Variants in IL1RAPL2 observed in about 807,000 individuals in gnomAD.
The protein encoded by IL1RAPL2 is interleukin 1 receptor accessory protein like 2, also known as X-linked interleukin-1 receptor accessory protein-like 2.
In IL1RAPL2, 3 loss-of-function variants were observed where a neutral mutation model predicts 44.1. The observed-to-expected ratio is 0.07, with a 90% CI of 0.03 to 0.18. IL1RAPL2 has a LOEUF of 0.18. IL1RAPL2 is among the 10% of genes least tolerant of loss of function. IL1RAPL2 has a pLI of 1.00. For missense variants in IL1RAPL2, 391 were observed against 496.4 expected, an observed-to-expected ratio of 0.79 and a Z score of 2.02; for synonymous variants, 181 against 178.8, an observed-to-expected ratio of 1.01 and a Z score of -0.10.
rs898519201 is a variant in IL1RAPL2, at chrX:105,143,701, C to G, written c.83-51774C>G. Among the ~76,000 whole-genome samples, 90 of 111,954 alleles carry G rather than the reference C, an allele frequency of 8.0e-4. 1 individual carries two copies. Among genetic ancestry groups the G allele is most frequent in the African/African-American group, 2.7e-3 (84 of 30,740 alleles). On this transcript the variant is annotated intron_variant, in intron 2 of 10. Transcript: ENST00000372582. ...TGTGACTTTTGAAAGATGCTTCCAG[C>G]ATATGGGCCTTCTCTATTTTCTCAC...
At chrX:105,323,897 G>GACAC (rs756657204) in intron 5 of IL1RAPL2, among the ~76,000 whole-genome samples, 2 of 95,419 alleles carry the variant, frequency 2.1e-5, no homozygotes, top group African/African-American at 5.1e-5. Context: ...CACACACACA[G>GACAC]ACACACACAC....
chrX:105,714,147 T>C (rs1434400762), intron 6 of IL1RAPL2, among the ~76,000 whole-genome samples: 1 of 111,634 alleles, frequency 9.0e-6, no homozygotes, highest in Non-Finnish European at 1.9e-5. Context: ...GTACCTTGTT[T>C]CTCATTTCTT....
At chrX:104,903,351 A>G (rs1923872437) in intron 2 of IL1RAPL2, among the ~76,000 whole-genome samples, 1 of 111,786 alleles carries the variant, frequency 8.9e-6, no homozygotes, top group Non-Finnish European at 1.9e-5. Flanking sequence ...CAGATGAGAA[A>G]TTATTTTAAA....
chrX:104,585,345 ATATATATTATATATATTATATATAT>A (rs1928524870), intron 1 of IL1RAPL2, among the ~76,000 whole-genome samples: 2 of 11,986 alleles, frequency 1.7e-4, no homozygotes, highest in African/African-American at 9.1e-4. Flanking sequence ...ATTATATATT[ATATATATTATATATATTATATATAT>A]TATATATAAT....
intron 6 of IL1RAPL2, among the ~76,000 whole-genome samples, chrX:105,663,232 A>G (rs1337597007): frequency 8.9e-6 from 1 of 112,148 alleles, no homozygotes; most frequent in Non-Finnish European, 1.9e-5. Context: ...TATGTAATGA[A>G]TGCACAAAAT....
chrX:105,147,813 A>T (rs886852621), intron 2 of IL1RAPL2, among the ~76,000 whole-genome samples: 1 of 111,654 alleles, frequency 9.0e-6, no homozygotes, highest in African/African-American at 3.3e-5. Flanking sequence ...TTCATGTACA[A>T]GTTTTTATAT....
intron 2 of IL1RAPL2, among the ~76,000 whole-genome samples, chrX:104,816,311 G>C (rs1459977706): frequency 8.9e-6 from 1 of 111,774 alleles, no homozygotes; most frequent in Non-Finnish European, 1.9e-5. Context: ...ACCCCAAAGT[G>C]ACTAGATATA....
At chrX:105,010,101 A>C (rs1398872492) in intron 2 of IL1RAPL2, among the ~76,000 whole-genome samples, 1 of 111,237 alleles carries the variant, frequency 9.0e-6, no homozygotes, top group Non-Finnish European at 1.9e-5. Flanking sequence ...TTTTTAGTCA[A>C]ACCATTTTAA....
intron 2 of IL1RAPL2, among the ~76,000 whole-genome samples, chrX:105,144,645 G>T (rs747569639): frequency 1.8e-5 from 2 of 110,802 alleles, no homozygotes; most frequent in African/African-American, 6.6e-5. Flanking sequence ...CAAGTGATTT[G>T]ATGCCTCTGT....
chrX:105,477,391 G>C (rs2036204767), intron 5 of IL1RAPL2, among the ~76,000 whole-genome samples: 2 of 111,310 alleles, frequency 1.8e-5, no homozygotes, highest in African/African-American at 6.5e-5. Context: ...TCATAATACA[G>C]GATTAGGAAG....
chrX:104,779,580 T>C (rs1932759473), intron 2 of IL1RAPL2, among the ~76,000 whole-genome samples: 1 of 112,052 alleles, frequency 8.9e-6, no homozygotes, highest in Non-Finnish European at 1.9e-5. Context: ...AAGCCTGACA[T>C]AGTGCTTGGT....
chrX:105,085,320 TCAATAG>T (rs926644877), intron 2 of IL1RAPL2, among the ~76,000 whole-genome samples: 22 of 111,684 alleles, frequency 2.0e-4, no homozygotes, highest in Non-Finnish European at 1.5e-4. Flanking sequence ...CTCAAAAAAC[TCAATAG>T]CAAGAAAACA....
At chrX:105,528,489 A>G (rs1204431630) in intron 6 of IL1RAPL2, among the ~76,000 whole-genome samples, 3 of 111,834 alleles carry the variant, frequency 2.7e-5, no homozygotes, top group African/African-American at 9.7e-5. Flanking sequence ...AAAGATTTTT[A>G]TTTTATTTTT....
At chrX:105,512,947 G>T (rs112608017) in intron 6 of IL1RAPL2, among the ~76,000 whole-genome samples, 2,236 of 109,922 alleles carry the variant, frequency 0.02, 23 homozygotes, top group Non-Finnish European at 0.031. Flanking sequence ...ATGCCCTGGT[G>T]TGTGATGTTC....
chrX:105,694,142 A>C (rs191139611), intron 6 of IL1RAPL2, among the ~76,000 whole-genome samples: 1 of 112,003 alleles, frequency 8.9e-6, no homozygotes, highest in East Asian at 2.8e-4. Context: ...CAGTAGTTGC[A>C]CAGTGTTACT....
chrX:105,174,281 C>A (rs892146947), intron 2 of IL1RAPL2, among the ~76,000 whole-genome samples: 4 of 111,944 alleles, frequency 3.6e-5, no homozygotes, highest in South Asian at 3.8e-4. Context: ...AAGACTCACT[C>A]CATTCTCTTG....
At chrX:105,396,510 TTTCCTCTA>T (rs2035564373) in intron 5 of IL1RAPL2, among the ~76,000 whole-genome samples, 1 of 100,505 alleles carries the variant, frequency 9.9e-6, no homozygotes, top group Non-Finnish European at 2.0e-5. Flanking sequence ...AGACAAATCT[TTTCCTCTA>T]TGTCTTTTAT....
At chrX:104,626,663 T>C (rs1929511990) in intron 1 of IL1RAPL2, among the ~76,000 whole-genome samples, 1 of 107,673 alleles carries the variant, frequency 9.3e-6, no homozygotes, top group Non-Finnish European at 1.9e-5. Flanking sequence ...AGTGTATCTT[T>C]AGGCTATAAC....
intron 1 of IL1RAPL2, among the ~76,000 whole-genome samples, chrX:104,586,864 T>G (rs1011706062): frequency 8.9e-6 from 1 of 111,983 alleles, no homozygotes; most frequent in Non-Finnish European, 1.9e-5. Context: ...TGAGAAGGAC[T>G]GAAAGTGTTT....
Sources: gnomAD v4.1 joint callset for allele counts (sites outside exome capture counted in the v4.1 genomes callset) on GRCh38, gnomAD v4.1.1 for gene constraint, MANE v1.5 for transcripts, NCBI Gene and HGNC (gene_info 2026-07-23, HGNC 2026-07-21) for gene names.